Variants in ZNF333 observed in about 807,000 individuals in gnomAD.
ZNF333 encodes zinc finger protein 333.
Under a neutral mutation model 76.1 loss-of-function variants are expected in ZNF333, and 61 were observed. That is an observed-to-expected ratio of 0.80 (90% CI 0.65 to 0.99). The LOEUF is 0.99. Among genes scored for constraint, ZNF333 ranks in the 50% least tolerant of loss-of-function variants. ZNF333 has a pLI of 0.00. For missense variants in ZNF333, 717 were observed against 822.4 expected, an observed-to-expected ratio of 0.87 and a Z score of 1.57; for synonymous variants, 284 against 305.0, an observed-to-expected ratio of 0.93 and a Z score of 0.72.
intron 5 of ZNF333, 115 bp downstream of exon 5, chr19:14,699,396 A>G: frequency 1.1e-6 from 1 of 910,290 alleles, no homozygotes; most frequent in African/African-American, 1.6e-5. Flanking sequence ...GTCTCTTGGA[A>G]GGGAAACAGT....
chr19:14,695,049 C>T lies in ZNF333; in HGVS notation c.43C>T (p.Gln15Ter), dbSNP rs1973073009. ...TFEDVAVEFI[Q>*]EWALLDSARR... The stretch of plus-strand genomic sequence containing the variant: ...TGAGGATGTGGCCGTGGAGTTCATC[C>T]AGGAGTGGGCATTGCTGGACAGCGC... The change falls in exon 3 of 12, where the codon CAG becomes TAG. Residue 15 changes from glutamine to a stop codon, truncating the protein, a stop_gained. Transcript: ENST00000292530. LOFTEE classifies it high-confidence loss of function. 6.2e-7 allele frequency: 1 copy of T among 1,614,090 alleles called. No homozygotes were observed. The highest frequency in any genetic ancestry group is 8.5e-7 in the Non-Finnish European group (1 of 1,180,008).
At chr19:14,731,349 A>T (rs1358808297) in exon 12 of ZNF333, 2 of 676,068 alleles carry the variant, frequency 3.0e-6, no homozygotes, top group Non-Finnish European at 5.0e-6. Context: ...CAGTTCCGTG[A>T]CATCCGGGCT....
In ZNF333 at chr19:14,709,512, T is replaced by C. The variant is rs534602101; in HGVS notation, c.511+2739T>C. On this transcript the variant is annotated intron_variant, in intron 7 of 11. Transcript: ENST00000292530. ...TAGTCATGAAAAGCTAAAATGTCTC[T>C]AGATGCTGCAGACTGAATTGTGCTC... 1.2e-4 allele frequency among the ~76,000 whole-genome samples: 18 copies of C among 152,340 alleles called. 1 individual carries two copies. The East Asian group carries it at 3.3e-3, about 28-fold the overall frequency.
intron 11 of ZNF333, 42 bp downstream of exon 11, chr19:14,717,775 A>T: frequency 6.3e-7 from 1 of 1,585,240 alleles, no homozygotes; most frequent in Non-Finnish European, 8.7e-7. Context: ...CTATAGTAGG[A>T]TGAGTCTGGG....
intron 2 of ZNF333, among the ~76,000 whole-genome samples, chr19:14,694,154 T>C (rs946503640): frequency 2.6e-5 from 4 of 152,152 alleles, no homozygotes; most frequent in African/African-American, 9.7e-5. Flanking sequence ...ACAGCACTGC[T>C]CTGAAGAATT....
Position 14,719,089 on chromosome 19 carries a change from A to G in ZNF333, c.1762A>G (p.Lys588Glu), listed in dbSNP as rs775424867. ...RKHARTHSGK[K>E]PYACQECGRA... ...ACATGCAAGGACTCACAGTGGCAAGAAGCCCTATGCATGCCAGGAATGCGG... is the reference window on the plus strand; with the variant it reads ...ACATGCAAGGACTCACAGTGGCAAGGAGCCCTATGCATGCCAGGAATGCGG... The change falls in exon 12 of 12, where the codon AAG (lysine) becomes GAG (glutamate). Residue 588 changes from lysine to glutamate, a missense_variant. Lys to Glu is a moderately conservative substitution (Grantham distance 56, BLOSUM62 1). Transcript: ENST00000292530. 6.2e-7 allele frequency: 1 copy of G among 1,614,184 alleles called. No homozygotes were observed. Among genetic ancestry groups the G allele is most frequent in the Non-Finnish European group, 8.5e-7 (1 of 1,180,022 alleles).
At chr19:14,706,638 C>A (rs1210311387) in intron 6 of ZNF333, 48 bp from the exon 7 acceptor site, 1 of 1,480,446 alleles carries the variant, frequency 6.8e-7, no homozygotes, top group Non-Finnish European at 9.4e-7. Flanking sequence ...TGTGAGTGGC[C>A]CCCTCAGCTT....
chr19:14,706,026 C>G (rs1003824712), intron 6 of ZNF333: 23 of 448,866 alleles, frequency 5.1e-5, no homozygotes, highest in African/African-American at 4.2e-4. Context: ...CTGCATGTAC[C>G]CCCCAACCTC....
intron 5 of ZNF333, chr19:14,700,472 G>A (rs1973596889): frequency 6.6e-6 from 1 of 152,226 alleles, no homozygotes; most frequent in South Asian, 2.1e-4. Context: ...AAAGAATGTG[G>A]GAAAGTTGTT....
downstream of ZNF333, among the ~76,000 whole-genome samples, chr19:14,723,483 G>A (rs1006271465): frequency 3.3e-5 from 5 of 152,198 alleles, no homozygotes; most frequent in South Asian, 2.1e-4. Flanking sequence ...CATTCAGCCC[G>A]TGAACATAGT....
At chr19:14,731,426 A>G (rs1186352500) in exon 12 of ZNF333, 2 of 561,294 alleles carry the variant, frequency 3.6e-6, no homozygotes, top group Non-Finnish European at 6.3e-6. Context: ...GTTCCCCGCA[A>G]GGAGACTAAG....
In ZNF333 at chr19:14,707,580, C is replaced by T. The variant is rs1402563947; in HGVS notation, c.511+807C>T. 2.6e-5 allele frequency among the ~76,000 whole-genome samples: 3 copies of T among 115,000 alleles called. No individual in the cohort carries two copies. The Admixed American group carries it at 3.6e-4, about 14-fold the overall frequency. The allele number at this position is 115,000 out of a possible 152,430, so 75.4% of individuals were successfully genotyped here. On this transcript the variant is annotated intron_variant, in intron 7 of 11. Transcript: ENST00000292530. Reference sequence around the variant, plus strand: ...TTTTTTTTTTTTTTTGAGACGGAGTCTCACTCTTTCGCCCAAGCTGGACTG... The same window carrying T: ...TTTTTTTTTTTTTTTGAGACGGAGTTTCACTCTTTCGCCCAAGCTGGACTG...
rs572385969 is a variant in ZNF333 at position 14,707,765 on chromosome 19, A to G, written c.511+992A>G. Among the ~76,000 whole-genome samples the G allele has an allele frequency of 9.3e-5, 14 of 150,542 alleles. 1 individual carries two copies. In the South Asian group the frequency reaches 3.0e-3, roughly 32 times the overall value. On this transcript the variant is annotated intron_variant, in intron 7 of 11. Transcript: ENST00000292530. ...ACGGGGTTTCACCGTGTTAGCCAGG[A>G]TGGTCTCGATCTCCTGACCTCGTGA... is the stretch of plus-strand genomic sequence containing the variant.
intron 5 of ZNF333, among the ~76,000 whole-genome samples, chr19:14,701,351 C>G (rs1397837385): frequency 1.3e-5 from 2 of 152,192 alleles, no homozygotes; most frequent in Non-Finnish European, 2.9e-5. Context: ...CTCTTCCTGC[C>G]TCAGCCTCCT....
chr19:14,707,060 A>T, intron 7 of ZNF333: 1 of 336,872 alleles, frequency 3.0e-6, no homozygotes, highest in East Asian at 6.2e-5. Context: ...GATTTTGAAA[A>T]ATTATGATTG....
At chr19:14,721,959 T>G (rs1273740352), downstream of ZNF333, 1 of 152,226 alleles carries the variant, frequency 6.6e-6, no homozygotes, top group Non-Finnish European at 1.5e-5. Context: ...AATTACTGGA[T>G]TTTGGAGGAG....
chr19:14,703,202 CA>C (rs35839207), intron 5 of ZNF333, among the ~76,000 whole-genome samples: 2,248 of 73,066 alleles, frequency 0.031, 44 homozygotes, highest in African/African-American at 0.099. Context: ...GACTCCGTCT[CA>C]AAAAAAAAAA....
In ZNF333 at chr19:14,719,229, T is replaced by C; in HGVS notation, c.1902T>C (p.Thr634=). The stretch of plus-strand genomic sequence containing the variant: ...CCTTCAGGCACAGCTCCTCACTCAC[T>C]GTACACAAAAGAACCCATGTGGGAA... ...EKAFRHSSSL[T]VHKRTHVGRE... Residue 634 remains threonine, a synonymous_variant, in exon 12 of 12, where the codon ACT becomes ACC. Transcript: ENST00000292530. 6.2e-7 allele frequency: 1 copy of C among 1,614,238 alleles called. No homozygotes were observed. Among genetic ancestry groups the C allele is most frequent in the Non-Finnish European group, 8.5e-7 (1 of 1,180,036 alleles).
At chr19:14,702,993 A>G (rs1016186307) in intron 5 of ZNF333, among the ~76,000 whole-genome samples, 6 of 151,716 alleles carry the variant, frequency 4.0e-5, no homozygotes, top group African/African-American at 1.2e-4. Flanking sequence ...TCATGAGGTC[A>G]GGAGATCGAG....
Sources: gnomAD v4.1 joint callset for allele counts (sites outside exome capture counted in the v4.1 genomes callset) on GRCh38, gnomAD v4.1.1 for gene constraint, MANE v1.5 for transcripts, NCBI Gene and HGNC (gene_info 2026-07-23, HGNC 2026-07-21) for gene names.